DHX29: variants seen among roughly 807,000 people sequenced by gnomAD.
DHX29 encodes DExH-box helicase 29.
In DHX29, 79 loss-of-function variants were observed where a neutral mutation model predicts 167.9. That is an observed-to-expected ratio of 0.47 (90% CI 0.39 to 0.57). The LOEUF (loss-of-function observed/expected upper bound fraction) is 0.57, where lower values mean the gene tolerates loss of function less well. Ranked by LOEUF, DHX29 falls within the 20% of genes least tolerant of loss-of-function variation. The pLI is 0.00. For synonymous variants in DHX29, 530 were observed against 546.0 expected, an observed-to-expected ratio of 0.97 and a Z score of 0.41; for missense variants, 1,347 against 1,593.4, an observed-to-expected ratio of 0.85 and a Z score of 2.63.
chr5:55,257,571 C>T (rs1004640727), intron 26 of DHX29, among the ~76,000 whole-genome samples: 2 of 152,152 alleles, frequency 1.3e-5, no homozygotes, highest in African/African-American at 4.8e-5. Flanking sequence ...ATTACAGGCG[C>T]AAGCCACCAT....
rs115057076 is a variant in DHX29, at chr5:55,277,695, C to T, written c.2110-413G>A. ...CCGACGCGGGCGGATAACCTGACAT[C>T]GGGAGTTTGAGACCAGCCTGGCCAA... On this transcript the variant is annotated intron_variant, in intron 12 of 26. Coordinates refer to ENST00000251636, the MANE Select transcript of DHX29 (RefSeq NM_019030.4). 2.4e-3 allele frequency among the ~76,000 whole-genome samples: 363 copies of T among 152,056 alleles called. 3 individuals carry two copies. The highest frequency in any genetic ancestry group is 8.2e-3 in the African/African-American group (339 of 41,478).
intron 14 of DHX29, among the ~76,000 whole-genome samples, chr5:55,275,553 A>G (rs902707953): frequency 6.6e-6 from 1 of 151,814 alleles, no homozygotes; most frequent in Non-Finnish European, 1.5e-5. Flanking sequence ...AAATATAAAG[A>G]TAACTTTGTT....
intron 26 of DHX29, 115 bp downstream of exon 26, chr5:55,259,733 G>T: frequency 1.8e-6 from 1 of 561,856 alleles, no homozygotes; most frequent in Non-Finnish European, 3.2e-6. Flanking sequence ...CTGGGATTAT[G>T]GGCGTGAGCC....
At chr5:55,270,197 G>C (rs1746781415) in intron 20 of DHX29, among the ~76,000 whole-genome samples, 2 of 152,094 alleles carry the variant, frequency 1.3e-5, no homozygotes, top group African/African-American at 4.8e-5. Context: ...TACTAGTCTA[G>C]ATTATGAGGC....
intron 10 of DHX29, among the ~76,000 whole-genome samples, 159 bp downstream of exon 10, chr5:55,285,134 G>A (rs1411833095): frequency 7.9e-5 from 12 of 152,192 alleles, no homozygotes; most frequent in African/African-American, 2.9e-4. Flanking sequence ...TCTGGCCTAA[G>A]AGGAACGAAA....
At chr5:55,285,162 G>T in intron 10 of DHX29, 131 bp downstream of exon 10, 1 of 1,329,362 alleles carries the variant, frequency 7.5e-7, no homozygotes, top group African/African-American at 1.5e-5. Context: ...CTATGTTTAG[G>T]GTTGAAAGGA....
intron 6 of DHX29, 141 bp downstream of exon 6, chr5:55,293,876 A>G (rs1243752609): frequency 3.8e-6 from 3 of 797,586 alleles, no homozygotes; most frequent in Non-Finnish European, 5.5e-6. Context: ...GTTTTTGCCT[A>G]AGTGTTATTT....
intron 13 of DHX29, among the ~76,000 whole-genome samples, 173 bp from the exon 14 acceptor site, chr5:55,276,579 T>C (rs1365628375): frequency 1.3e-5 from 2 of 152,180 alleles, no homozygotes; most frequent in African/African-American, 2.4e-5. Flanking sequence ...CATAGAGGGA[T>C]TGCCTCTAAA....
In DHX29 at chr5:55,307,606, C is replaced by A. The variant is rs1156375796; in HGVS notation, c.-33G>T. 1 of 1,609,974 alleles carries A rather than the reference C, an allele frequency of 6.2e-7. No individual in the cohort carries two copies. Among genetic ancestry groups the A allele is most frequent in the Non-Finnish European group, 8.5e-7 (1 of 1,179,496 alleles). On this transcript the variant is annotated 5_prime_UTR_variant, in exon 1 of 27. Transcript: ENST00000251636. ...CTGTGGCAGAAGATCCTTCGCGGCC[C>A]AGGCCCCGACGGTACCACTGCACAG...
Position 55,267,155 on chromosome 5 carries a change from ATGTTCT to A in DHX29, c.3502_3507del (p.Arg1168_Thr1169del). 6.2e-7 allele frequency: 1 copy of A among 1,610,336 alleles called. No individual in the cohort carries two copies. Among genetic ancestry groups the A allele is most frequent in the Non-Finnish European group, 8.5e-7 (1 of 1,177,072 alleles). On this transcript the variant is annotated inframe_deletion, in exon 23 of 27. Transcript: ENST00000251636. ...AGAATTACCTCTAGGGTTAACAGTGATGTTCTATTAAGAAAGTTCCTCCGGCAGTAT... is the reference window on the plus strand; with the variant it reads ...AGAATTACCTCTAGGGTTAACAGTGAATTAAGAAAGTTCCTCCGGCAGTAT...
chr5:55,285,863 TA>T lies in DHX29; in HGVS notation c.1067-3del. On this transcript the variant is annotated splice_region_variant and splice_polypyrimidine_tract_variant and intron_variant, in intron 8 of 26. Coordinates refer to ENST00000251636, the MANE Select transcript of DHX29 (RefSeq NM_019030.4). The stretch of plus-strand genomic sequence containing the variant: ...CATCATGAGGTTCTTTCTTTTTATC[TA>T]AAATGGTAAACAAAGATTGGTTCTT... The T allele has an allele frequency of 6.5e-7, 1 of 1,546,986 alleles. No homozygotes were observed. The highest frequency in any genetic ancestry group is 8.8e-7 in the Non-Finnish European group (1 of 1,140,066).
In DHX29 at chr5:55,283,219, T is replaced by G; in HGVS notation, c.1949A>C (p.Asn650Thr). The change falls in exon 11 of 27, where the codon AAT becomes ACT. Residue 650 changes from asparagine to threonine, a missense_variant. This residue lies in a region of DHX29 where 882 missense variants were observed against 1,082.4 expected (regional missense o/e 0.81). Coordinates refer to ENST00000251636, the MANE Select transcript of DHX29 (RefSeq NM_019030.4). ...NRVCDELGCE[N>T]GPGGRNSLCG... The stretch of plus-strand genomic sequence containing the variant: ...ACAGCTTACCCTTCCTCCAGGTCCA[T>G]TTTCACAGCCCAATTCATCACATAC... 1.3e-6 allele frequency: 2 copies of G among 1,589,518 alleles called. No individual in the cohort carries two copies. Among genetic ancestry groups the G allele is most frequent in the Non-Finnish European group, 1.7e-6 (2 of 1,164,506 alleles).
In DHX29 at chr5:55,281,513, A is replaced by G; in HGVS notation, c.1968T>C (p.Asn656=). ...TCCGGATCTGATATCCACACAAGGA[A>G]TTCTAAAGGGAGAACATAAGGCCTT... is the stretch of plus-strand genomic sequence containing the variant. ...LGCENGPGGR[N]SLCGYQIRME... The change falls in exon 12 of 27, where the codon AAT becomes AAC. Residue 656 remains asparagine (N), a splice_region_variant and synonymous_variant. Coordinates refer to ENST00000251636, the MANE Select transcript of DHX29 (RefSeq NM_019030.4). The G allele has an allele frequency of 6.3e-7, 1 of 1,578,502 alleles. No individual in the cohort carries two copies. Among genetic ancestry groups the G allele is most frequent in the Non-Finnish European group, 8.6e-7 (1 of 1,163,906 alleles).
intron 14 of DHX29, among the ~76,000 whole-genome samples, chr5:55,275,557 CTT>C (rs1260532536): frequency 1.3e-5 from 2 of 152,064 alleles, no homozygotes; most frequent in African/African-American, 2.4e-5. Context: ...ATAAAGATAA[CTT>C]TGTTTTCATC....
At chr5:55,295,282 A>C in intron 5 of DHX29, 97 bp downstream of exon 5, 3 of 967,298 alleles carry the variant, frequency 3.1e-6, no homozygotes, top group Non-Finnish European at 4.6e-6. Context: ...TGTAAGAAGT[A>C]AAAATGTTAT....
intron 12 of DHX29, 30 bp downstream of exon 12, chr5:55,281,341 AT>A: frequency 6.8e-7 from 1 of 1,464,274 alleles, no homozygotes; most frequent in Non-Finnish European, 9.0e-7. Context: ...AATATTTCAA[AT>A]TTTTGAATAC....
intron 8 of DHX29, among the ~76,000 whole-genome samples, chr5:55,287,477 A>T (rs1747796577): frequency 6.6e-6 from 1 of 152,178 alleles, no homozygotes; most frequent in Non-Finnish European, 1.5e-5. Context: ...AATACTACTG[A>T]AAGAATGAAT....
At chr5:55,269,701 G>A in intron 20 of DHX29, 64 bp from the exon 21 acceptor site, 1 of 1,350,228 alleles carries the variant, frequency 7.4e-7, no homozygotes, top group South Asian at 1.3e-5. Flanking sequence ...CCAATGAGAT[G>A]TTAGTGGAAC....
intron 24 of DHX29, 49 bp downstream of exon 24, chr5:55,262,581 C>G: frequency 6.3e-7 from 1 of 1,578,996 alleles, no homozygotes; most frequent in Non-Finnish European, 8.6e-7. Flanking sequence ...TTATGAATGA[C>G]TTGCAGAATA....
Sources: allele counts gnomAD v4.1 joint callset (sites outside exome capture counted in the v4.1 genomes callset), GRCh38; gene constraint gnomAD v4.1.1; regional missense constraint gnomAD v4.1.1; transcripts MANE v1.5; gene names NCBI Gene and HGNC (gene_info 2026-07-23, HGNC 2026-07-21).